The following GPHN variants were observed in gnomAD, a reference collection of about 807,000 sequenced individuals.
The protein encoded by GPHN is gephyrin.
In GPHN, 17 loss-of-function variants were observed where a neutral mutation model predicts 95.5. That is an observed-to-expected ratio of 0.18 (90% CI 0.12 to 0.27). The LOEUF (loss-of-function observed/expected upper bound fraction) is 0.27, where lower values mean the gene tolerates loss of function less well. Among genes scored for constraint, GPHN ranks in the 10% least tolerant of loss-of-function variants. The pLI is 1.00. For synonymous variants in GPHN, 320 were observed against 322.5 expected (o/e 0.99, Z 0.08); for missense variants, 660 against 978.1 (o/e 0.67, Z 4.34).
At position 66,957,187 on chromosome 14, in the gene GPHN, C is replaced by CTTTTTTTT. The variant is rs1157690518; in HGVS notation, c.829-7985_829-7978dup. 4.5e-3 allele frequency among the ~76,000 whole-genome samples: 385 copies of CTTTTTTTT among 84,820 alleles called. 3 individuals carry two copies. Among genetic ancestry groups the CTTTTTTTT allele is most frequent in the Non-Finnish European group, 6.5e-3 (308 of 47,646 alleles). 55.6% of individuals were successfully genotyped at this position (84,820 alleles called of 152,430 possible). A position where few individuals can be genotyped will look rare whatever the true frequency, so the allele number is the denominator to read the frequency against. On this transcript the variant is annotated intron_variant, in intron 8 of 22. Transcript: ENST00000478722. ...GTAAATTTCTCAAATTTCTTTCTTT[C>CTTTTTTTT]TTTTTTTTTTTTTTTTTTTTTTTTT...
chr14:67,408,932 A>G, the GPHN span, among the ~76,000 whole-genome samples: 1 of 152,204 alleles, frequency 6.6e-6, no homozygotes, highest in East Asian at 1.9e-4. Flanking sequence ...CGCCACATAA[A>G]TGATCCTTTA....
chr14:67,025,684 ATAAACT>A (rs1354183680), intron 10 of GPHN, among the ~76,000 whole-genome samples: 1 of 152,236 alleles, frequency 6.6e-6, no homozygotes, highest in Non-Finnish European at 1.5e-5. Flanking sequence ...ATAAAATGTA[ATAAACT>A]TAAAATAATG....
At chr14:67,221,741 G>A in the GPHN span, 3 of 1,610,264 alleles carry the variant, frequency 1.9e-6, no homozygotes, top group Non-Finnish European at 2.5e-6. Context: ...TTGTGGTTAT[G>A]CTGGCAAATT....
chr14:67,340,591 A>G, the GPHN span: 13 of 1,237,524 alleles, frequency 1.1e-5, no homozygotes, highest in African/African-American at 3.0e-5. Context: ...GCTCATTTGT[A>G]TAACAGTTAT....
At chr14:67,439,202 G>A in the GPHN span, among the ~76,000 whole-genome samples, 1 of 152,210 alleles carries the variant, frequency 6.6e-6, no homozygotes, top group Admixed American at 6.5e-5. Context: ...GATAATGCTT[G>A]TGCCTAGCTC....
the GPHN span, among the ~76,000 whole-genome samples, chr14:67,682,267 C>T: frequency 6.6e-6 from 1 of 152,102 alleles, no homozygotes; most frequent in African/African-American, 2.4e-5. Flanking sequence ...ATAAACTGGA[C>T]TTCATCAAAA....
the GPHN span, among the ~76,000 whole-genome samples, chr14:67,295,397 G>C: frequency 6.6e-6 from 1 of 151,836 alleles, no homozygotes. Context: ...GGCTGAGGCA[G>C]GAGAATCACT....
At chr14:67,421,505 G>A in the GPHN span, among the ~76,000 whole-genome samples, 1 of 152,100 alleles carries the variant, frequency 6.6e-6, no homozygotes, top group South Asian at 2.1e-4. Context: ...CCCAGGCCAG[G>A]GCTCCTCCTT....
At chr14:67,327,225 T>G in the GPHN span, among the ~76,000 whole-genome samples, 1 of 152,186 alleles carries the variant, frequency 6.6e-6, no homozygotes, top group Non-Finnish European at 1.5e-5. Flanking sequence ...GCTCTAAACA[T>G]TCATAAAGTC....
At chr14:66,836,780 G>A (rs955157670) in intron 4 of GPHN, among the ~76,000 whole-genome samples, 237 of 151,896 alleles carry the variant, frequency 1.6e-3, no homozygotes, top group Non-Finnish European at 2.7e-3. Flanking sequence ...AAAAGAGGGC[G>A]AAGGACATGA....
At chr14:67,723,247 T>C in the GPHN span, among the ~76,000 whole-genome samples, 6 of 152,328 alleles carry the variant, frequency 3.9e-5, no homozygotes, top group South Asian at 1.2e-3. Context: ...TTTTTAAATT[T>C]CTCTTTTTTA....
At chr14:67,342,971 G>A in the GPHN span, among the ~76,000 whole-genome samples, 2 of 152,080 alleles carry the variant, frequency 1.3e-5, no homozygotes, top group Non-Finnish European at 2.9e-5. Context: ...AGAAATCAAG[G>A]AGAATGGCTT....
In GPHN at chr14:66,809,962, T is replaced by C. The variant is rs532257075; in HGVS notation, c.202-14512T>C. On this transcript the variant is annotated intron_variant, in intron 3 of 22. Transcript: ENST00000478722. ...ATTTTCCTCTCAAATCAGAACATTC[T>C]GATCTGGTAAAGCTAAGAGTTCTTG... Among the ~76,000 whole-genome samples, 16 of 152,236 alleles carry C rather than the reference T, an allele frequency of 1.1e-4. No individual in the cohort carries two copies. The South Asian group carries it at 3.3e-3, about 32-fold the overall frequency.
chr14:67,213,016 G>T, the GPHN span, among the ~76,000 whole-genome samples: 9 of 151,410 alleles, frequency 5.9e-5, no homozygotes, highest in African/African-American at 2.2e-4. Flanking sequence ...CCTGGGAACT[G>T]GTTAAAGATG....
chr14:66,603,731 ATAAGT>A (rs1193266960), intron 1 of GPHN, among the ~76,000 whole-genome samples: 1 of 151,998 alleles, frequency 6.6e-6, no homozygotes, highest in African/African-American at 2.4e-5. Flanking sequence ...TAAATACTTG[ATAAGT>A]TAGGTCACTT....
intron 5 of GPHN, among the ~76,000 whole-genome samples, chr14:66,890,858 GA>G (rs887923589): frequency 6.4e-4 from 97 of 151,534 alleles, no homozygotes; most frequent in African/African-American, 2.2e-3. Flanking sequence ...AATGGGTGCT[GA>G]AAAAAAATTT....
intron 5 of GPHN, among the ~76,000 whole-genome samples, chr14:66,895,435 C>A (rs1241122033): frequency 6.6e-6 from 1 of 152,086 alleles, no homozygotes; most frequent in Non-Finnish European, 1.5e-5. Flanking sequence ...TGCAGCAAAC[C>A]AACATGGCAC....
intron 10 of GPHN, among the ~76,000 whole-genome samples, chr14:67,041,929 A>G (rs1225316789): frequency 6.6e-6 from 1 of 152,092 alleles, no homozygotes; most frequent in Admixed American, 6.5e-5. Flanking sequence ...ATGAGATGGT[A>G]TCTCATTGTT....
At chr14:67,463,226 C>T in the GPHN span, among the ~76,000 whole-genome samples, 1 of 151,970 alleles carries the variant, frequency 6.6e-6, no homozygotes, top group African/African-American at 2.4e-5. Context: ...CAAGACCAGC[C>T]TGGGCAATAT....
Sources: allele counts gnomAD v4.1 joint callset (sites outside exome capture counted in the v4.1 genomes callset), GRCh38; gene constraint gnomAD v4.1.1; transcripts MANE v1.5; gene names NCBI Gene and HGNC (gene_info 2026-07-23, HGNC 2026-07-21).